The following THSD7A variants were observed in gnomAD, a reference collection of about 807,000 sequenced individuals.
THSD7A encodes thrombospondin type 1 domain containing 7A.
Under a neutral mutation model 231.3 loss-of-function variants are expected in THSD7A, and 96 were observed. That is an observed-to-expected ratio of 0.41 (90% CI 0.35 to 0.49). THSD7A has a LOEUF of 0.49. THSD7A is among the 20% of genes least tolerant of loss of function. The probability of loss-of-function intolerance (pLI) is 0.05; values close to 1 mark genes in which losing one functional copy is unlikely to be tolerated. For missense variants in THSD7A, 2,290 were observed against 2,070.2 expected, an observed-to-expected ratio of 1.11 and a Z score of -2.06; for synonymous variants, 940 against 743.3, an observed-to-expected ratio of 1.26 and a Z score of -4.30.
At chr7:11,394,185 G>A (rs574294627) in intron 23 of THSD7A, among the ~76,000 whole-genome samples, 5 of 152,162 alleles carry the variant, frequency 3.3e-5, no homozygotes, top group African/African-American at 4.8e-5. Flanking sequence ...GAAATCCTAC[G>A]AGCCAGAAGA....
intron 6 of THSD7A, among the ~76,000 whole-genome samples, chr7:11,539,689 T>C (rs1319359477): frequency 2.0e-5 from 3 of 152,224 alleles, no homozygotes; most frequent in Non-Finnish European, 4.4e-5. Context: ...ATTTTTTAAA[T>C]AGCTGGCTCC....
intron 4 of THSD7A, among the ~76,000 whole-genome samples, chr7:11,567,150 G>A (rs1790377595): frequency 6.6e-6 from 1 of 151,954 alleles, no homozygotes; most frequent in Non-Finnish European, 1.5e-5. Context: ...AGTACTGCCC[G>A]AGACTGGGTA....
At chr7:11,727,273 C>A (rs910295172) in intron 1 of THSD7A, among the ~76,000 whole-genome samples, 16 of 151,912 alleles carry the variant, frequency 1.1e-4, no homozygotes, top group African/African-American at 3.9e-4. Context: ...TCATTCCTTT[C>A]CCAGCATCTC....
chr7:11,427,975 C>A (rs1007955959), intron 14 of THSD7A, among the ~76,000 whole-genome samples: 1 of 152,108 alleles, frequency 6.6e-6, no homozygotes, highest in African/African-American at 2.4e-5. Context: ...GAATTTAATT[C>A]TTCACGATCT....
At chr7:11,762,856 C>T (rs1782910575) in intron 1 of THSD7A, among the ~76,000 whole-genome samples, 1 of 152,016 alleles carries the variant, frequency 6.6e-6, no homozygotes. Context: ...AGACAATCAA[C>T]ATCATTATAA....
intron 6 of THSD7A, among the ~76,000 whole-genome samples, chr7:11,533,056 A>G (rs1788769050): frequency 6.6e-6 from 1 of 152,208 alleles, no homozygotes; most frequent in African/African-American, 2.4e-5. Context: ...CAAAATAAAA[A>G]GAAGGTTGTG....
chr7:11,648,034 C>T (rs1238389358), intron 1 of THSD7A, among the ~76,000 whole-genome samples: 1 of 152,102 alleles, frequency 6.6e-6, no homozygotes, highest in Non-Finnish European at 1.5e-5. Flanking sequence ...CCCTTTGGAT[C>T]CACTTTCATT....
chr7:11,515,267 G>T (rs1356689210), intron 6 of THSD7A, among the ~76,000 whole-genome samples: 1 of 152,018 alleles, frequency 6.6e-6, no homozygotes, highest in Non-Finnish European at 1.5e-5. Context: ...TACTTGCTAG[G>T]TCTGTGATAC....
At chr7:11,699,284 T>C (rs1464989451) in intron 1 of THSD7A, among the ~76,000 whole-genome samples, 2 of 151,336 alleles carry the variant, frequency 1.3e-5, no homozygotes, top group African/African-American at 2.4e-5. Context: ...TATAAATGTA[T>C]TTTAAAGTAA....
intron 1 of THSD7A, among the ~76,000 whole-genome samples, chr7:11,788,845 A>C (rs542972575): frequency 3.1e-4 from 47 of 152,144 alleles, no homozygotes; most frequent in African/African-American, 1.1e-3. Flanking sequence ...GGCTATAGTC[A>C]GCACTAAGTA....
intron 2 of THSD7A, among the ~76,000 whole-genome samples, chr7:11,594,944 C>G (rs907512410): frequency 6.6e-6 from 1 of 152,034 alleles, no homozygotes; most frequent in Non-Finnish European, 1.5e-5. Context: ...GTGGGGGGAC[C>G]CTGATGAAGC....
intron 2 of THSD7A, among the ~76,000 whole-genome samples, chr7:11,599,095 G>A (rs112848000): frequency 0.026 from 3,946 of 152,194 alleles, 158 homozygotes; most frequent in African/African-American, 0.084. Context: ...GTATTGTCAC[G>A]CCCTGTGATT....
intron 2 of THSD7A, among the ~76,000 whole-genome samples, chr7:11,613,641 T>C (rs1361392845): frequency 1.3e-5 from 2 of 152,218 alleles, no homozygotes; most frequent in African/African-American, 2.4e-5. Flanking sequence ...TATACACTTC[T>C]TTTTACCAAA....
At position 11,423,520 on chromosome 7, in the gene THSD7A, C is replaced by T. The variant is rs985854561; in HGVS notation, c.3383+1176G>A. On this transcript the variant is annotated intron_variant, in intron 16 of 27. Coordinates refer to ENST00000423059, the MANE Select transcript of THSD7A (RefSeq NM_015204.3). ...AGTAGCTGGGACTACAGGTGCCCGC[C>T]GCCACGCCCAGCTAATTTTTTGTAT... Among the ~76,000 whole-genome samples, 13 of 152,034 alleles carry T rather than the reference C, an allele frequency of 8.6e-5. No individual in the cohort carries two copies. In the South Asian group the frequency reaches 1.7e-3, roughly 19 times the overall value.
intron 1 of THSD7A, among the ~76,000 whole-genome samples, chr7:11,730,628 T>C (rs1054485713): frequency 6.3e-4 from 95 of 151,622 alleles, no homozygotes; most frequent in African/African-American, 2.1e-3. Context: ...CACCCAAACA[T>C]TTTAGCTAAG....
intron 6 of THSD7A, among the ~76,000 whole-genome samples, chr7:11,482,222 T>C (rs1786456356): frequency 6.6e-6 from 1 of 152,168 alleles, no homozygotes; most frequent in African/African-American, 2.4e-5. Context: ...TCAGGGTATA[T>C]CAAGCACATT....
intron 23 of THSD7A, among the ~76,000 whole-genome samples, chr7:11,388,642 G>C (rs751543393): frequency 2.2e-4 from 34 of 151,948 alleles, no homozygotes; most frequent in Admixed American, 1.2e-3. Context: ...AAAAAACCAG[G>C]TAATGGATTC....
At chr7:11,522,476 C>G (rs192204070) in intron 6 of THSD7A, among the ~76,000 whole-genome samples, 3 of 152,130 alleles carry the variant, frequency 2.0e-5, no homozygotes, top group Non-Finnish European at 4.4e-5. Context: ...TTTTTAAGTA[C>G]TTTGCTTATT....
At chr7:11,752,101 G>C (rs762657719) in intron 1 of THSD7A, among the ~76,000 whole-genome samples, 45 of 152,198 alleles carry the variant, frequency 3.0e-4, no homozygotes, top group South Asian at 6.2e-4. Context: ...ACAAACAAGA[G>C]ACATCCACCA....
Sources: allele counts gnomAD v4.1 joint callset (sites outside exome capture counted in the v4.1 genomes callset), GRCh38; gene constraint gnomAD v4.1.1; transcripts MANE v1.5; gene names NCBI Gene and HGNC (gene_info 2026-07-23, HGNC 2026-07-21).